The following EYS variants were observed in gnomAD, a reference collection of about 807,000 sequenced individuals.
EYS encodes EGF-like photoreceptor maintenance factor.
A neutral mutation model predicts 282.1 loss-of-function variants in EYS; 250 were observed. The ratio of observed to expected loss-of-function variants is 0.89; its 90% CI spans 0.80 to 0.98. The LOEUF (loss-of-function observed/expected upper bound fraction) is 0.98, where lower values mean the gene tolerates loss of function less well. EYS is among the 50% of genes least tolerant of loss of function. The pLI, the probability that EYS is intolerant of heterozygous loss-of-function variation, is 0.00. For missense variants in EYS, 4,016 were observed against 3,709.0 expected (o/e 1.08, Z -2.15); for synonymous variants, 1,355 against 1,282.9 (o/e 1.06, Z -1.20).
At chr6:64,020,213 G>C (rs781523072) in intron 33 of EYS, among the ~76,000 whole-genome samples, 1 of 152,072 alleles carries the variant, frequency 6.6e-6, no homozygotes, top group Non-Finnish European at 1.5e-5. Context: ...TAGACTAGAG[G>C]AACTGAAATG....
intron 26 of EYS, among the ~76,000 whole-genome samples, chr6:64,494,821 A>G (rs1184825682): frequency 1.3e-5 from 2 of 151,782 alleles, no homozygotes; most frequent in African/African-American, 2.4e-5. Context: ...CAGAAGAGTT[A>G]TAAGCATCAA....
intron 12 of EYS, among the ~76,000 whole-genome samples, chr6:65,115,498 C>T (rs75957234): frequency 0.025 from 3,869 of 151,968 alleles, 179 homozygotes; most frequent in African/African-American, 0.089. Flanking sequence ...AGACCTATCA[C>T]ATGCTTTGAA....
At chr6:64,445,389 T>C (rs935821422) in intron 26 of EYS, among the ~76,000 whole-genome samples, 18 of 152,296 alleles carry the variant, frequency 1.2e-4, no homozygotes, top group African/African-American at 4.3e-4. Context: ...ATAATAAACT[T>C]CTGCACTTAA....
chr6:64,213,831 T>C (rs571594567), intron 31 of EYS, among the ~76,000 whole-genome samples: 1 of 152,256 alleles, frequency 6.6e-6, no homozygotes, highest in African/African-American at 2.4e-5. Context: ...AAACATTGCT[T>C]TACAATAGTG....
At chr6:63,865,435 G>A (rs574683445) in intron 35 of EYS, among the ~76,000 whole-genome samples, 9 of 151,000 alleles carry the variant, frequency 6.0e-5, no homozygotes, top group Non-Finnish European at 1.3e-4. Context: ...TTTGTCACTT[G>A]AAGTTAAAGA....
chr6:64,088,123 G>A (rs190185499), intron 31 of EYS, among the ~76,000 whole-genome samples: 198 of 152,104 alleles, frequency 1.3e-3, no homozygotes, highest in Non-Finnish European at 1.5e-3. Flanking sequence ...CATTATCACC[G>A]TGTTTAGTGG....
At chr6:65,188,299 G>A (rs574303425) in intron 12 of EYS, among the ~76,000 whole-genome samples, 6 of 151,630 alleles carry the variant, frequency 4.0e-5, no homozygotes, top group African/African-American at 1.4e-4. Context: ...AACTATAAAA[G>A]TTAATGGAAA....
chr6:64,435,820 A>G (rs558640623), intron 28 of EYS, among the ~76,000 whole-genome samples: 1 of 151,842 alleles, frequency 6.6e-6, no homozygotes, highest in South Asian at 2.1e-4. Context: ...TTCCTTCTTT[A>G]TGCTTTTCTG....
At chr6:64,433,094 A>C (rs1774623895) in intron 28 of EYS, among the ~76,000 whole-genome samples, 1 of 151,978 alleles carries the variant, frequency 6.6e-6, no homozygotes. Flanking sequence ...CTCAAAAATA[A>C]TGAGCCAGGT....
intron 28 of EYS, among the ~76,000 whole-genome samples, chr6:64,435,207 C>CA (rs1309218287): frequency 1.3e-5 from 2 of 151,868 alleles, no homozygotes; most frequent in African/African-American, 4.8e-5. Context: ...AATAGCATCT[C>CA]AGAGTTCTTA....
At chr6:65,331,026 T>A in intron 11 of EYS, 1 of 984,320 alleles carries the variant, frequency 1.0e-6, no homozygotes. Context: ...CCATTATTAT[T>A]TTTTTTCCTT....
At chr6:63,961,907 A>G (rs1766083424) in intron 35 of EYS, among the ~76,000 whole-genome samples, 1 of 152,224 alleles carries the variant, frequency 6.6e-6, no homozygotes, top group Non-Finnish European at 1.5e-5. Flanking sequence ...TTCCAAATTT[A>G]CATTATAGAC....
chr6:65,616,147 T>A (rs1766191524), intron 2 of EYS, among the ~76,000 whole-genome samples: 1 of 152,078 alleles, frequency 6.6e-6, no homozygotes, highest in South Asian at 2.1e-4. Flanking sequence ...AAGGCTGATA[T>A]CCAATTTTTA....
At chr6:65,261,422 CTGT>C (rs1431245945) in intron 12 of EYS, among the ~76,000 whole-genome samples, 1 of 151,930 alleles carries the variant, frequency 6.6e-6, no homozygotes, top group Non-Finnish European at 1.5e-5. Flanking sequence ...TACCACTCCT[CTGT>C]TGTTAAGCAG....
intron 1 of EYS, among the ~76,000 whole-genome samples, chr6:65,657,995 T>C (rs534471241): frequency 2.6e-5 from 4 of 151,964 alleles, no homozygotes; most frequent in South Asian, 4.1e-4. Context: ...ATCACTGGAA[T>C]TTTTTAGCAA....
chr6:64,321,769 A>C (rs1354847641), intron 29 of EYS, among the ~76,000 whole-genome samples: 3 of 151,916 alleles, frequency 2.0e-5, no homozygotes, highest in African/African-American at 4.8e-5. Context: ...ATATAGACTA[A>C]GAAAAAATTG....
chr6:65,357,865 T>C (rs1473693920), intron 8 of EYS, among the ~76,000 whole-genome samples: 1 of 151,922 alleles, frequency 6.6e-6, no homozygotes, highest in African/African-American at 2.4e-5. Flanking sequence ...AAACACTATT[T>C]TTTTTCGTTT....
chr6:64,059,757 A>G (rs1022562226), intron 33 of EYS, among the ~76,000 whole-genome samples: 3 of 152,200 alleles, frequency 2.0e-5, no homozygotes, highest in Admixed American at 6.5e-5. Context: ...ATACAAATAA[A>G]CTGCATTGTA....
intron 35 of EYS, among the ~76,000 whole-genome samples, chr6:63,876,794 G>A (rs1209127120): frequency 6.6e-6 from 1 of 152,034 alleles, no homozygotes; most frequent in African/African-American, 2.4e-5. Context: ...TGCAACCCCT[G>A]CTTTTTTTTT....
Sources: gnomAD v4.1 joint callset for allele counts (sites outside exome capture counted in the v4.1 genomes callset) on GRCh38, gnomAD v4.1.1 for gene constraint, MANE v1.5 for transcripts, NCBI Gene and HGNC (gene_info 2026-07-23, HGNC 2026-07-21) for gene names.